The following CELF2 variants were observed in gnomAD, a reference collection of about 807,000 sequenced individuals.
CELF2 encodes CUGBP Elav-like family member 2.
Under a neutral mutation model 62.6 loss-of-function variants are expected in CELF2, and 8 were observed. The observed-to-expected ratio is 0.13, with a 90% CI of 0.07 to 0.23. CELF2 has a LOEUF of 0.23. CELF2 is among the 10% of genes least tolerant of loss of function. CELF2 has a pLI of 1.00. For missense variants in CELF2, 333 were observed against 671.0 expected, an observed-to-expected ratio of 0.50 and a Z score of 5.56; for synonymous variants, 258 against 250.0, an observed-to-expected ratio of 1.03 and a Z score of -0.30.
chr10:11,088,473 T>C (rs959598854), intron 1 of CELF2, among the ~76,000 whole-genome samples: 9 of 152,166 alleles, frequency 5.9e-5, no homozygotes, highest in African/African-American at 2.2e-4. Context: ...AAAGGGTTTA[T>C]AGCAGGGCAT....
At chr10:10,842,030 T>C (rs1412657973) in intron 1 of CELF2, among the ~76,000 whole-genome samples, 1 of 152,124 alleles carries the variant, frequency 6.6e-6, no homozygotes, top group Non-Finnish European at 1.5e-5. Flanking sequence ...TATATCTAAA[T>C]ATTTCTCATT....
intron 2 of CELF2, among the ~76,000 whole-genome samples, chr10:10,987,354 T>C (rs1457572975): frequency 6.6e-6 from 1 of 152,184 alleles, no homozygotes; most frequent in Non-Finnish European, 1.5e-5. Context: ...AAGCTATTTT[T>C]GTAAATATTA....
At chr10:10,676,447 G>C in the CELF2 span, among the ~76,000 whole-genome samples, 3 of 152,198 alleles carry the variant, frequency 2.0e-5, no homozygotes, top group African/African-American at 4.8e-5. Flanking sequence ...GAGTGATCTG[G>C]TGTGTTTCAA....
chr10:11,043,746 T>C (rs569516403), intron 1 of CELF2, among the ~76,000 whole-genome samples: 1 of 152,286 alleles, frequency 6.6e-6, no homozygotes, highest in African/African-American at 2.4e-5. Flanking sequence ...ACTGCTTTCT[T>C]ACGCCCCAGA....
At chr10:11,233,696 C>T (rs188993548) in intron 3 of CELF2, among the ~76,000 whole-genome samples, 1 of 152,330 alleles carries the variant, frequency 6.6e-6, no homozygotes, top group East Asian at 1.9e-4. Flanking sequence ...TTCCTACATA[C>T]ACTTCACCTT....
chr10:11,117,792 A>C lies in CELF2; in HGVS notation c.75-47694A>C, dbSNP rs188828078. ...CTTCCAAAGCATCAGGCTTGGGTCA[A>C]ATAGGATTCATCTGAGCTTCTGGTT... On this transcript the variant is annotated intron_variant, in intron 1 of 12. Transcript: ENST00000633077. The surrounding 1 kb of genome is among the most constrained non-coding windows in gnomAD (Gnocchi z 4.1). 5.3e-5 allele frequency among the ~76,000 whole-genome samples: 8 copies of C among 152,178 alleles called. No homozygotes were observed. The highest frequency in any genetic ancestry group is 1.9e-4 in the African/African-American group (8 of 41,434).
the CELF2 span, among the ~76,000 whole-genome samples, chr10:10,526,947 A>G: frequency 6.6e-6 from 1 of 152,236 alleles, no homozygotes; most frequent in African/African-American, 2.4e-5. Context: ...AACTTGCACC[A>G]CAGTTGTTTA....
chr10:10,507,743 AT>A, the CELF2 span, among the ~76,000 whole-genome samples: 2 of 80,458 alleles, frequency 2.5e-5, no homozygotes, highest in African/African-American at 5.7e-5. Context: ...TTTGAATTCA[AT>A]TTTCCTCCAT....
intron 1 of CELF2, among the ~76,000 whole-genome samples, chr10:11,030,175 G>A (rs1432369298): frequency 2.0e-5 from 3 of 152,142 alleles, no homozygotes; most frequent in Non-Finnish European, 2.9e-5. Flanking sequence ...CCTTCCTGTG[G>A]TTACATTTTC....
At chr10:10,488,480 T>C in the CELF2 span, among the ~76,000 whole-genome samples, 1 of 152,150 alleles carries the variant, frequency 6.6e-6, no homozygotes, top group Non-Finnish European at 1.5e-5. Context: ...GGTACCTAGC[T>C]GTATTGAATC....
At chr10:10,727,821 A>G in the CELF2 span, among the ~76,000 whole-genome samples, 4 of 152,054 alleles carry the variant, frequency 2.6e-5, no homozygotes. Context: ...ACAGAGTGTC[A>G]TCTTAGAGAT....
chr10:11,193,299 A>C (rs2056523654), intron 2 of CELF2, among the ~76,000 whole-genome samples: 1 of 152,188 alleles, frequency 6.6e-6, no homozygotes, highest in Non-Finnish European at 1.5e-5. Flanking sequence ...AGAAAGAGTG[A>C]AATTAACCAG....
intron 3 of CELF2, among the ~76,000 whole-genome samples, chr10:11,218,060 C>A (rs1055283947): frequency 6.6e-6 from 1 of 152,092 alleles, no homozygotes; most frequent in Non-Finnish European, 1.5e-5. Flanking sequence ...TTTTTTTCTC[C>A]GTTTCCTTCC....
At chr10:10,973,678 C>T (rs1004323853) in intron 2 of CELF2, among the ~76,000 whole-genome samples, 7 of 152,138 alleles carry the variant, frequency 4.6e-5, no homozygotes, top group African/African-American at 9.7e-5. Context: ...GCCATCCTCC[C>T]GCCTCAGCCT....
chr10:10,521,592 A>G, the CELF2 span, among the ~76,000 whole-genome samples: 2 of 152,120 alleles, frequency 1.3e-5, no homozygotes, highest in East Asian at 1.9e-4. Context: ...TGTGTTTTTT[A>G]AGCTTTTAAC....
chr10:11,193,094 A>G (rs1469255223), intron 2 of CELF2, among the ~76,000 whole-genome samples: 1 of 152,188 alleles, frequency 6.6e-6, no homozygotes, highest in Non-Finnish European at 1.5e-5. Flanking sequence ...TAGTCATGGT[A>G]GTTCACAGCC....
chr10:10,640,621 G>T, the CELF2 span, among the ~76,000 whole-genome samples: 1 of 152,144 alleles, frequency 6.6e-6, no homozygotes, highest in African/African-American at 2.4e-5. Context: ...ATCATTTCTT[G>T]TATCTCTGAA....
At chr10:10,913,677 C>T (rs1209161744) in intron 1 of CELF2, among the ~76,000 whole-genome samples, 6 of 151,210 alleles carry the variant, frequency 4.0e-5, no homozygotes, top group South Asian at 4.2e-4. Flanking sequence ...AGGTGTGAGC[C>T]GCTGCACCCA....
Position 11,316,940 on chromosome 10 carries a change from C to G in CELF2, c.1096+2682C>G, listed in dbSNP as rs1005778593. On this transcript the variant is annotated intron_variant, in intron 10 of 12. Transcript: ENST00000633077. The surrounding 1 kb of genome is among the most constrained non-coding windows in gnomAD (Gnocchi z 4.4). ...GAATCATCCAGATCAGAAGAAGGAACACATGTGATTGACCATCAGAGTGTT... is the reference window on the plus strand; with the variant it reads ...GAATCATCCAGATCAGAAGAAGGAAGACATGTGATTGACCATCAGAGTGTT... The G allele has an allele frequency of 6.6e-6, 1 of 152,170 alleles. No individual in the cohort carries two copies. Among genetic ancestry groups the G allele is most frequent in the African/African-American group, 2.4e-5 (1 of 41,444 alleles). The allele number at this position is 152,170 out of a possible 1,614,324, so 9.4% of individuals were successfully genotyped here. A position where few individuals can be genotyped will look rare whatever the true frequency, so the allele number is the denominator to read the frequency against.
Sources: allele counts gnomAD v4.1 joint callset (sites outside exome capture counted in the v4.1 genomes callset), GRCh38; gene constraint gnomAD v4.1.1; non-coding constraint Gnocchi (gnomAD v3.1); transcripts MANE v1.5; gene names NCBI Gene and HGNC (gene_info 2026-07-23, HGNC 2026-07-21).